The following ZNF670 variants were observed in gnomAD, a reference collection of about 807,000 sequenced individuals.
ZNF670 encodes zinc finger protein 670.
A neutral mutation model predicts 10.9 loss-of-function variants in ZNF670; 7 were observed. That is an observed-to-expected ratio of 0.64 (90% CI 0.36 to 1.20). The LOEUF (loss-of-function observed/expected upper bound fraction) is 1.20, where lower values mean the gene tolerates loss of function less well. Ranked by LOEUF, ZNF670 falls within the 50% of genes most tolerant of loss-of-function variation. ZNF670 has a pLI of 0.02. For synonymous variants in ZNF670, 136 were observed against 152.7 expected, an observed-to-expected ratio of 0.89 and a Z score of 0.81; for missense variants, 446 against 458.6, an observed-to-expected ratio of 0.97 and a Z score of 0.25.
intron 1 of ZNF670, among the ~76,000 whole-genome samples, chr1:247,064,195 G>A (rs958378893): frequency 6.6e-6 from 1 of 152,230 alleles, no homozygotes; most frequent in Admixed American, 6.5e-5. Context: ...GTACCCGCAA[G>A]CAGGTCATAG....
intron 1 of ZNF670, among the ~76,000 whole-genome samples, chr1:247,048,820 T>C (rs7511962): frequency 0.33 from 49,351 of 151,752 alleles, 8,789 homozygotes; most frequent in African/African-American, 0.46. Flanking sequence ...AACCATCAGA[T>C]TTCGTGAGAA....
Position 247,037,805 on chromosome 1 carries a change from C to T in ZNF670, c.814G>A (p.Glu272Lys), listed in dbSNP as rs1670196318. 1 of 1,613,256 alleles carries T rather than the reference C, an allele frequency of 6.2e-7. No homozygotes were observed. The highest frequency in any genetic ancestry group is 1.7e-5 in the Admixed American group (1 of 59,850). ...GGTTTTTCTCCAGTATGCGTTCTTT[C>T]ATGTATTCCCAAGTAAGTGGAACGA... is the stretch of plus-strand genomic sequence containing the variant. ...FSRSTYLGIH[E>K]RTHTGEKPYE... The change falls in exon 4 of 4, where the codon GAA becomes AAA. Residue 272 changes from glutamate (E) to lysine (K), a missense_variant. By Grantham distance (56) the Glu-to-Lys change is moderately conservative (BLOSUM62 1). Coordinates refer to ENST00000366503, the MANE Select transcript of ZNF670 (RefSeq NM_033213.5).
intron 1 of ZNF670, among the ~76,000 whole-genome samples, chr1:247,049,221 T>C (rs892655592): frequency 2.6e-5 from 4 of 151,586 alleles, no homozygotes; most frequent in African/African-American, 9.7e-5. Context: ...CCTCAGCCTC[T>C]TGAGTACCTG....
chr1:247,074,023 T>C (rs145433348), intron 1 of ZNF670, among the ~76,000 whole-genome samples: 57 of 152,298 alleles, frequency 3.7e-4, no homozygotes, highest in African/African-American at 1.4e-3. Context: ...GGTAATCCTG[T>C]TAAATATATG....
chr1:247,078,728 A>T lies in ZNF670; in HGVS notation c.-132T>A. 1.0e-6 allele frequency: 1 copy of T among 985,366 alleles called. No individual in the cohort carries two copies. The highest frequency in any genetic ancestry group is 1.5e-5 in the South Asian group (1 of 65,896). The allele number at this position is 985,366 out of a possible 1,614,324, so 61.0% of individuals were successfully genotyped here. On this transcript the variant is annotated 5_prime_UTR_variant, in exon 1 of 4. Coordinates refer to ENST00000366503, the MANE Select transcript of ZNF670 (RefSeq NM_033213.5). ...GGGAAGGAGCAGCGGAGACGCACCG[A>T]GCTCGCCACATTCGCGCTGCCCAAC...
chr1:247,043,456 T>G, intron 1 of ZNF670: 1 of 623,350 alleles, frequency 1.6e-6, no homozygotes, highest in South Asian at 1.5e-5. Flanking sequence ...AAAAAAACTT[T>G]GAAGAATATG....
intron 1 of ZNF670, among the ~76,000 whole-genome samples, chr1:247,068,829 CAAA>C (rs35582452): frequency 8.2e-5 from 7 of 85,598 alleles, no homozygotes; most frequent in Non-Finnish European, 1.1e-4. Context: ...ACTATTTTGC[CAAA>C]AAAAAAAAAA....
intron 1 of ZNF670, among the ~76,000 whole-genome samples, chr1:247,054,136 G>A: frequency 6.6e-6 from 1 of 152,224 alleles, no homozygotes; most frequent in East Asian, 1.9e-4. Flanking sequence ...GTCCTAACCA[G>A]AGGGGACTTG....
intron 1 of ZNF670, among the ~76,000 whole-genome samples, chr1:247,060,163 C>T (rs1174816588): frequency 1.3e-5 from 2 of 151,952 alleles, no homozygotes; most frequent in African/African-American, 4.8e-5. Context: ...CCAAAAGACC[C>T]AGATGGTAAT....
intron 1 of ZNF670, chr1:247,043,981 G>A (rs1330491652): frequency 3.6e-5 from 7 of 195,388 alleles, no homozygotes; most frequent in South Asian, 9.7e-5. Context: ...GGTAAACACC[G>A]AAAAAGAGAA....
At chr1:247,077,934 C>T (rs1288045779) in intron 1 of ZNF670, among the ~76,000 whole-genome samples, 1 of 152,190 alleles carries the variant, frequency 6.6e-6, no homozygotes, top group African/African-American at 2.4e-5. Flanking sequence ...CAAAACGTAA[C>T]TCATGCTTGT....
Position 247,076,225 on chromosome 1 carries a change from G to A in ZNF670, c.3+2369C>T, listed in dbSNP as rs145142227. On this transcript the variant is annotated intron_variant, in intron 1 of 3. Coordinates refer to ENST00000366503, the MANE Select transcript of ZNF670 (RefSeq NM_033213.5). ...AAATACTCAATGACCACCCTCCCAG[G>A]AGACACTGTACTGTGCCCCACTGTG... Among the ~76,000 whole-genome samples, 222 of 151,944 alleles carry A rather than the reference G, an allele frequency of 1.5e-3. 1 individual carries two copies. Among genetic ancestry groups the A allele is most frequent in the African/African-American group, 5.2e-3 (214 of 41,442 alleles).
chr1:247,042,395 G>A (rs143592624), intron 1 of ZNF670, among the ~76,000 whole-genome samples: 2 of 152,326 alleles, frequency 1.3e-5, no homozygotes, highest in African/African-American at 4.8e-5. Flanking sequence ...GCAGAGATGT[G>A]TTTGGAAAGG....
In ZNF670 at chr1:247,039,421, C is replaced by G; in HGVS notation, c.120G>C (p.Leu40=). Residue 40 remains leucine (L), a synonymous_variant, in exon 2 of 4, where the codon CTG becomes CTC. Coordinates refer to ENST00000366503, the MANE Select transcript of ZNF670 (RefSeq NM_033213.5). Reference sequence around the variant, plus strand: ...TGTTGTTATTCTTACCTACAGAAGCCAGGTTCCTGAAGATTTCTTGCATCA... The same window carrying G: ...TGTTGTTATTCTTACCTACAGAAGCGAGGTTCCTGAAGATTTCTTGCATCA... The part of the protein sequence containing the change: ...RDVMQEIFRN[L]ASVGNKSEDQ... 6.2e-7 allele frequency: 1 copy of G among 1,602,744 alleles called. No individual in the cohort carries two copies. The highest frequency in any genetic ancestry group is 8.5e-7 in the Non-Finnish European group (1 of 1,176,064).
chr1:247,040,619 T>C (rs77225613), intron 1 of ZNF670, among the ~76,000 whole-genome samples: 2,876 of 152,310 alleles, frequency 0.019, 50 homozygotes, highest in Non-Finnish European at 0.028. Context: ...ACAGTATTAA[T>C]GTGGAGATAA....
rs191017188 is a variant in ZNF670 at position 247,036,114 on chromosome 1, G to A, written c.*1335C>T. On this transcript the variant is annotated 3_prime_UTR_variant, in exon 4 of 4. Transcript: ENST00000366503. ...TATTTATATCTGAAAGCCAGTTAAC[G>A]TAATAGACTATCAGTAGAATGCCAA... 1.0e-3 allele frequency among the ~76,000 whole-genome samples: 155 copies of A among 152,126 alleles called. No homozygotes were observed. Among genetic ancestry groups the A allele is most frequent in the African/African-American group, 3.2e-3 (132 of 41,480 alleles).
chr1:247,057,972 T>G (rs1432240289), intron 1 of ZNF670, among the ~76,000 whole-genome samples: 1 of 152,216 alleles, frequency 6.6e-6, no homozygotes, highest in South Asian at 2.1e-4. Context: ...TAATTGTACA[T>G]TTTAAAATAA....
chr1:247,038,550 T>C (rs2818880), intron 3 of ZNF670, 123 bp from the exon 4 acceptor site: 510,009 of 993,234 alleles, frequency 0.51, 138,710 homozygotes, highest in African/African-American at 0.85. Context: ...AATTAATTAC[T>C]GTAAGATATG....
Position 247,072,804 on chromosome 1 carries a change from GTATATATATATATA to G in ZNF670, c.3+5776_3+5789del, listed in dbSNP as rs74163726. ...CTCTGTCTCAAAAAAAAAAGTGTGTGTATATATATATATATATATATATATATATATATATGCAT... is the reference window on the plus strand; with the variant it reads ...CTCTGTCTCAAAAAAAAAAGTGTGTGTATATATATATATATATATATGCAT... On this transcript the variant is annotated intron_variant, in intron 1 of 3. Transcript: ENST00000366503. 6.3e-4 allele frequency among the ~76,000 whole-genome samples: 30 copies of G among 47,664 alleles called. 2 individuals are homozygous for G. The highest frequency in any genetic ancestry group is 1.5e-3 in the East Asian group (1 of 658). 31.3% of individuals were successfully genotyped at this position (47,664 alleles called of 152,430 possible). A position where few individuals can be genotyped will look rare whatever the true frequency, so the allele number is the denominator to read the frequency against.
Sources: gnomAD v4.1 joint callset for allele counts (sites outside exome capture counted in the v4.1 genomes callset) on GRCh38, gnomAD v4.1.1 for gene constraint, MANE v1.5 for transcripts, NCBI Gene and HGNC (gene_info 2026-07-23, HGNC 2026-07-21) for gene names.